The following PHF3 variants were observed in gnomAD, a reference collection of about 807,000 sequenced individuals.
PHF3 encodes the protein PHD finger protein 3.
A neutral mutation model predicts 178.4 loss-of-function variants in PHF3; 41 were observed. The observed-to-expected ratio is 0.23, with a 90% confidence interval of 0.18 to 0.30. The LOEUF is 0.30. PHF3 is among the 10% of genes least tolerant of loss of function. The pLI, the probability that PHF3 is intolerant of heterozygous loss-of-function variation, is 1.00. For synonymous variants in PHF3, 842 were observed against 800.5 expected (o/e 1.05, Z -0.88); for missense variants, 2,346 against 2,398.1 (o/e 0.98, Z 0.45).
chr6:63,693,627 A>G (rs1767104199), intron 5 of PHF3, among the ~76,000 whole-genome samples: 1 of 152,190 alleles, frequency 6.6e-6, no homozygotes, highest in Admixed American at 6.5e-5. Flanking sequence ...AAATGAAAAG[A>G]CATCATAAAA....
chr6:63,712,342 C>G lies in PHF3; in HGVS notation c.4754C>G (p.Thr1585Ser). 1 of 1,613,272 alleles carries G rather than the reference C, an allele frequency of 6.2e-7. No homozygotes were observed. Among genetic ancestry groups the G allele is most frequent in the South Asian group, 1.1e-5 (1 of 90,984 alleles). The change falls in exon 16 of 16, where the codon ACT (threonine) becomes AGT (serine). Residue 1585 changes from threonine (T) to serine (S), a missense_variant. By Grantham distance (58) the Thr-to-Ser change is moderately conservative. This residue lies in a region of PHF3 where 839 missense variants were observed against 806.9 expected (regional missense o/e 1.04). Transcript: ENST00000262043. ...NLSIQSKQEE[T>S]VESKEKTLKR... ...TCAATTCAGTCAAAACAAGAGGAAACTGTGGAGAGTAAAGAGAAAACATTA... is the reference window on the plus strand; with the variant it reads ...TCAATTCAGTCAAAACAAGAGGAAAGTGTGGAGAGTAAAGAGAAAACATTA...
intron 2 of PHF3, among the ~76,000 whole-genome samples, chr6:63,670,375 T>C (rs1765862595): frequency 6.6e-6 from 1 of 152,188 alleles, no homozygotes. Context: ...TTCACGCCAT[T>C]GTCCTGCCTC....
In PHF3 at chr6:63,721,809, C is replaced by G; in HGVS notation, c.*8101C>G. ...GCATAAAAAATCACCTGCAAGAAAG[C>G]AAACAGTAAGTTTGATTAGCAACAG... On this transcript the variant is annotated 3_prime_UTR_variant, in exon 16 of 16. Coordinates refer to ENST00000262043, the MANE Select transcript of PHF3 (RefSeq NM_001370348.2). The G allele has an allele frequency of 6.5e-7, 1 of 1,535,438 alleles. No individual in the cohort carries two copies. The highest frequency in any genetic ancestry group is 8.8e-7 in the Non-Finnish European group (1 of 1,139,478).
In PHF3 at chr6:63,694,326, A is replaced by G. The variant is rs568472937; in HGVS notation, c.2497-255A>G. On this transcript the variant is annotated intron_variant, in intron 5 of 15. Transcript: ENST00000262043. Reference sequence around the variant, plus strand: ...ACAATTTCCTCCTTTTTCCATATCCAGAGCCAAATAAGAGAATTCTTACTA... The same window carrying G: ...ACAATTTCCTCCTTTTTCCATATCCGGAGCCAAATAAGAGAATTCTTACTA... Among the ~76,000 whole-genome samples, 3 of 152,310 alleles carry G rather than the reference A, an allele frequency of 2.0e-5. No individual in the cohort carries two copies. The South Asian group carries it at 6.2e-4, about 32-fold the overall frequency.
In PHF3 at chr6:63,684,451, G is replaced by C. The variant is rs538644133; in HGVS notation, c.729G>C (p.Pro243=). ...ATTCTAAGCATAAGTGTAATAATCC[G>C]GGAGAAATAGATGTGCCATCTCATG... is the stretch of plus-strand genomic sequence containing the variant. ...GLDSKHKCNN[P]GEIDVPSHEL... is the part of the protein sequence containing the mutation. Residue 243 remains proline, a synonymous_variant, in exon 4 of 16, where the codon CCG becomes CCC. Transcript: ENST00000262043. The C allele has an allele frequency of 1.2e-6, 2 of 1,613,822 alleles. No homozygotes were observed. Among genetic ancestry groups the C allele is most frequent in the Non-Finnish European group, 1.7e-6 (2 of 1,179,750 alleles).
rs1263824143 is a variant in PHF3, at chr6:63,717,031, T to C, written c.*3323T>C. Among the ~76,000 whole-genome samples, 2 of 152,106 alleles carry C rather than the reference T, an allele frequency of 1.3e-5. No homozygotes were observed. Among genetic ancestry groups the C allele is most frequent in the African/African-American group, 4.8e-5 (2 of 41,442 alleles). ...CTACCAACAGCCCTTGACTTACTAA[T>C]TGTAGTTTATTGTGGGTGAATTAAT... On this transcript the variant is annotated 3_prime_UTR_variant, in exon 16 of 16. Transcript: ENST00000262043.
intron 2 of PHF3, among the ~76,000 whole-genome samples, chr6:63,648,487 C>G (rs574611230): frequency 6.6e-6 from 1 of 152,250 alleles, no homozygotes; most frequent in East Asian, 1.9e-4. Context: ...GACTATTTTA[C>G]TTATAAAATT....
chr6:63,691,701 A>G, intron 4 of PHF3, 36 bp from the exon 5 acceptor site: 1 of 1,496,256 alleles, frequency 6.7e-7, no homozygotes, highest in Non-Finnish European at 9.0e-7. Flanking sequence ...CTTGTTAAAA[A>G]AAGGGATAAA....
At chr6:63,650,452 T>C (rs1278671444) in intron 2 of PHF3, among the ~76,000 whole-genome samples, 8 of 152,224 alleles carry the variant, frequency 5.3e-5, no homozygotes, top group Admixed American at 5.2e-4. Context: ...AAACACCTGC[T>C]TACATCACAT....
At chr6:63,653,678 T>C (rs1249605501) in intron 2 of PHF3, among the ~76,000 whole-genome samples, 1 of 152,198 alleles carries the variant, frequency 6.6e-6, no homozygotes, top group Non-Finnish European at 1.5e-5. Flanking sequence ...CTGCCAGTAC[T>C]GTGTCGAATG....
chr6:63,712,107 A>T lies in PHF3; in HGVS notation c.4519A>T (p.Ile1507Leu). 1 of 1,613,684 alleles carries T rather than the reference A, an allele frequency of 6.2e-7. No homozygotes were observed. The highest frequency in any genetic ancestry group is 8.5e-7 in the Non-Finnish European group (1 of 1,179,914). Reference protein sequence around the residue: ...PFLNEQTNSKIEKTDNVEVTD... With the variant: ...PFLNEQTNSKLEKTDNVEVTD... ...TTTAAATGAGCAGACCAACTCAAAA[A>T]TAGAGAAAACAGATAATGTGGAAGT... The change falls in exon 16 of 16, where the codon ATA becomes TTA. Residue 1507 changes from isoleucine (I) to leucine (L), a missense_variant. Around this residue, in one of 8 missense-constraint regions of PHF3, gnomAD observed 839 missense variants for 806.9 expected, o/e 1.04. Transcript: ENST00000262043.
chr6:63,639,678 G>C (rs536014994), intron 1 of PHF3, among the ~76,000 whole-genome samples: 1 of 152,118 alleles, frequency 6.6e-6, no homozygotes, highest in South Asian at 2.1e-4. Context: ...AATTATCTAG[G>C]TCTCAGTTTG....
In PHF3 at chr6:63,712,706, A is replaced by G. The variant is rs1768006320; in HGVS notation, c.5118A>G (p.Lys1706=). Reference sequence around the variant, plus strand: ...AGGAAAAGTTGTGTTCTGCAGAGAAAAACTCGTGTGTTCAGCAGAGTGACA... The same window carrying G: ...AGGAAAAGTTGTGTTCTGCAGAGAAGAACTCGTGTGTTCAGCAGAGTGACA... ...NVEEKLCSAE[K]NSCVQQSDNL... The change falls in exon 16 of 16, where the codon AAA becomes AAG. Residue 1706 remains lysine (K), a synonymous_variant. Transcript: ENST00000262043. 1.9e-6 allele frequency: 3 copies of G among 1,614,022 alleles called. No individual in the cohort carries two copies. The highest frequency in any genetic ancestry group is 2.2e-5 in the East Asian group (1 of 44,846).
rs771541224 is a variant in PHF3, at chr6:63,685,726, G to A, written c.2004G>A (p.Lys668=). The change falls in exon 4 of 16, where the codon AAG becomes AAA. Residue 668 remains lysine, a synonymous_variant. Coordinates refer to ENST00000262043, the MANE Select transcript of PHF3 (RefSeq NM_001370348.2). ...EDKLKLKKPE[K]NLQPRQRRSS... ...AACTGAAACTGAAAAAACCTGAGAA[G>A]AACCTACAACCCCGCCAAAGAAGAA... The A allele has an allele frequency of 3.7e-6, 6 of 1,613,920 alleles. No individual in the cohort carries two copies. The South Asian group carries it at 6.6e-5, about 18-fold the overall frequency.
intron 3 of PHF3, among the ~76,000 whole-genome samples, chr6:63,681,745 T>A (rs941941096): frequency 2.6e-5 from 4 of 151,886 alleles, no homozygotes; most frequent in Admixed American, 6.6e-5. Context: ...TGCATTATTT[T>A]AAAAAAAATG....
intron 4 of PHF3, among the ~76,000 whole-genome samples, chr6:63,686,619 A>G (rs751169490): frequency 3.3e-5 from 5 of 152,130 alleles, no homozygotes; most frequent in South Asian, 2.1e-4. Flanking sequence ...TCAATCCCCA[A>G]TGTGTTTTTT....
At position 63,723,661 on chromosome 6, in the gene PHF3, T is replaced by C. The variant is rs1199286221; in HGVS notation, c.*9953T>C. Among the ~76,000 whole-genome samples the C allele has an allele frequency of 6.6e-6, 1 of 151,960 alleles. No individual in the cohort carries two copies. Among genetic ancestry groups the C allele is most frequent in the Non-Finnish European group, 1.5e-5 (1 of 67,984 alleles). The stretch of plus-strand genomic sequence containing the variant: ...TCAGCTAGTATGTTCTTACGAAAAA[T>C]TGACAAAAAGTTTTCTTTCTGTGGC... On this transcript the variant is annotated 3_prime_UTR_variant, in exon 16 of 16. Transcript: ENST00000262043.
chr6:63,679,821 C>G (rs1032904064), intron 2 of PHF3, 179 bp from the exon 3 acceptor site: 1 of 650,772 alleles, frequency 1.5e-6, no homozygotes, highest in Admixed American at 2.1e-5. Flanking sequence ...GTTTATAAAA[C>G]TGACTTGATT....
intron 6 of PHF3, among the ~76,000 whole-genome samples, chr6:63,695,317 A>C (rs1341787273): frequency 6.6e-6 from 1 of 152,218 alleles, no homozygotes; most frequent in Non-Finnish European, 1.5e-5. Flanking sequence ...CAGTGTTAGA[A>C]GATGAGTTCA....
Sources: allele counts gnomAD v4.1 joint callset (sites outside exome capture counted in the v4.1 genomes callset), GRCh38; gene constraint gnomAD v4.1.1; regional missense constraint gnomAD v4.1.1; transcripts MANE v1.5; gene names NCBI Gene and HGNC (gene_info 2026-07-23, HGNC 2026-07-21).